Variants in GALNT14 observed in about 807,000 individuals in gnomAD.
GALNT14 encodes the protein UDP-GalNAc:polypeptide N-acetylgalactosaminyltransferase 14.
Under a neutral mutation model 77.5 loss-of-function variants are expected in GALNT14, and 60 were observed. The ratio of observed to expected loss-of-function variants is 0.77; its 90% CI spans 0.63 to 0.96. GALNT14 has a LOEUF of 0.96. Among genes scored for constraint, GALNT14 ranks in the 40% least tolerant of loss-of-function variants. GALNT14 has a pLI of 0.00. For missense variants in GALNT14, 710 were observed against 731.0 expected (o/e 0.97, Z 0.33); for synonymous variants, 280 against 281.7 (o/e 0.99, Z 0.06).
intron 1 of GALNT14, among the ~76,000 whole-genome samples, chr2:31,110,685 G>C (rs578181039): frequency 2.1e-4 from 32 of 152,222 alleles, no homozygotes; most frequent in Non-Finnish European, 2.5e-4. Context: ...TGCCTGCCCT[G>C]TAGCAATCAC....
intron 9 of GALNT14, 145 bp from the exon 10 acceptor site, chr2:30,932,339 C>T (rs372202464): frequency 4.0e-5 from 28 of 698,640 alleles, no homozygotes; most frequent in African/African-American, 3.7e-4. Context: ...GGCTGAGAGA[C>T]CTCAGTTTCC....
rs186106802 is a variant in GALNT14, at chr2:30,910,861, A to C, written c.*40T>G. 4.4e-4 allele frequency: 713 copies of C among 1,604,598 alleles called. No individual in the cohort carries two copies. The highest frequency in any genetic ancestry group is 2.7e-3 in the Middle Eastern group (15 of 5,638). ...TTTCCAGTCTGTTCTGGTCCAGGGA[A>C]GCACCACCCCATGGCCCTTGCTGCT... On this transcript the variant is annotated 3_prime_UTR_variant, in exon 15 of 15. Transcript: ENST00000349752.
At chr2:31,132,631 TAACA>T (rs1378541377) in intron 1 of GALNT14, 2 of 452,594 alleles carry the variant, frequency 4.4e-6, no homozygotes, top group Non-Finnish European at 9.1e-6. Context: ...AGAACTGACC[TAACA>T]GACTCCATCT....
At chr2:30,888,287 A>G in the GALNT14 span, among the ~76,000 whole-genome samples, 1 of 152,332 alleles carries the variant, frequency 6.6e-6, no homozygotes, top group East Asian at 1.9e-4. Context: ...TCAATAAAGT[A>G]CAGTGGACTG....
At chr2:31,035,586 T>TGTGTGTGC (rs1672674708) in intron 1 of GALNT14, among the ~76,000 whole-genome samples, 1 of 129,788 alleles carries the variant, frequency 7.7e-6, no homozygotes. Flanking sequence ...TGTGTGTGTG[T>TGTGTGTGC]ATACATATAC....
intron 1 of GALNT14, among the ~76,000 whole-genome samples, chr2:31,107,042 A>G (rs1346720291): frequency 6.6e-6 from 1 of 152,224 alleles, no homozygotes; most frequent in Non-Finnish European, 1.5e-5. Flanking sequence ...TCAAACTGAA[A>G]AATATTTGTG....
chr2:31,043,599 A>G (rs1456240493), intron 1 of GALNT14, among the ~76,000 whole-genome samples: 1 of 152,166 alleles, frequency 6.6e-6, no homozygotes, highest in Non-Finnish European at 1.5e-5. Flanking sequence ...GTGGGGCTCC[A>G]GACAAGATAT....
chr2:31,012,878 G>A (rs1258783999), intron 1 of GALNT14, among the ~76,000 whole-genome samples: 1 of 152,282 alleles, frequency 6.6e-6, no homozygotes, highest in Admixed American at 6.5e-5. Flanking sequence ...TCATGCTATG[G>A]AATAGCTTAA....
At chr2:30,935,410 C>A (rs1019204630) in intron 9 of GALNT14, among the ~76,000 whole-genome samples, 2 of 152,214 alleles carry the variant, frequency 1.3e-5, no homozygotes, top group African/African-American at 4.8e-5. Context: ...CCTATCAACT[C>A]ACTCATCCAG....
chr2:30,894,908 G>A, the GALNT14 span, among the ~76,000 whole-genome samples: 26 of 152,156 alleles, frequency 1.7e-4, no homozygotes, highest in African/African-American at 6.0e-4. Flanking sequence ...GGAATGTTCC[G>A]AGGCTTCTGC....
Position 30,971,026 on chromosome 2 carries a change from G to A in GALNT14, c.300-4724C>T, listed in dbSNP as rs1047129444. 5.9e-5 allele frequency among the ~76,000 whole-genome samples: 9 copies of A among 152,134 alleles called. No individual in the cohort carries two copies. The South Asian group carries it at 1.3e-3, about 21-fold the overall frequency. On this transcript the variant is annotated intron_variant, in intron 2 of 14. Coordinates refer to ENST00000349752, the MANE Select transcript of GALNT14 (RefSeq NM_024572.4). ...CCTACAGTCTCCCTGTGAACTCACC[G>A]GGGTTCAAGGCACCTGCCTTGGAGC...
At chr2:31,048,595 C>G (rs6734168) in intron 1 of GALNT14, among the ~76,000 whole-genome samples, 2 of 137,412 alleles carry the variant, frequency 1.5e-5, no homozygotes, top group Admixed American at 7.1e-5. Flanking sequence ...TCCCCACCCC[C>G]ACTCCTGCCT....
intron 1 of GALNT14, among the ~76,000 whole-genome samples, chr2:31,035,616 C>CACACATA (rs768333997): frequency 4.2e-4 from 16 of 37,888 alleles, no homozygotes; most frequent in African/African-American, 1.9e-3. Context: ...CACACACACA[C>CACACATA]CTACACACAC....
chr2:31,006,895 G>A (rs1280418427), intron 1 of GALNT14, among the ~76,000 whole-genome samples: 2 of 152,188 alleles, frequency 1.3e-5, no homozygotes, highest in East Asian at 1.9e-4. Context: ...GCTAGGGGGA[G>A]GATAGATCTC....
intron 1 of GALNT14, among the ~76,000 whole-genome samples, chr2:31,112,423 A>G (rs1417181922): frequency 5.3e-5 from 8 of 152,296 alleles, no homozygotes; most frequent in Middle Eastern, 3.4e-3. Context: ...GCTGCCTAAC[A>G]AAAAGTCTTG....
intron 1 of GALNT14, among the ~76,000 whole-genome samples, chr2:31,023,069 G>C (rs1411664877): frequency 6.6e-6 from 1 of 152,104 alleles, no homozygotes; most frequent in South Asian, 2.1e-4. Flanking sequence ...CTTGAAGAAG[G>C]GGTAACATTT....
intron 4 of GALNT14, among the ~76,000 whole-genome samples, chr2:30,956,464 T>C (rs1667376502): frequency 6.6e-6 from 1 of 152,190 alleles, no homozygotes; most frequent in Admixed American, 6.5e-5. Context: ...GGAGTATCCA[T>C]CCCCTCAAGC....
chr2:30,933,507 A>G (rs2148257460), intron 9 of GALNT14, among the ~76,000 whole-genome samples: 1 of 152,228 alleles, frequency 6.6e-6, no homozygotes, highest in Middle Eastern at 3.4e-3. Context: ...GTCTCCTCCC[A>G]CGTTTCCTTG....
At chr2:31,106,496 T>G (rs1388988690) in intron 1 of GALNT14, among the ~76,000 whole-genome samples, 1 of 152,142 alleles carries the variant, frequency 6.6e-6, no homozygotes, top group Non-Finnish European at 1.5e-5. Flanking sequence ...TTCTTCCAAC[T>G]TCATCTTCAT....
Sources: gnomAD v4.1 joint callset for allele counts (sites outside exome capture counted in the v4.1 genomes callset) on GRCh38, gnomAD v4.1.1 for gene constraint, MANE v1.5 for transcripts, NCBI Gene and HGNC (gene_info 2026-07-23, HGNC 2026-07-21) for gene names.